The following FMNL2 variants were observed in gnomAD, a reference collection of about 807,000 sequenced individuals.
The protein encoded by FMNL2 is formin like 2.
FMNL2 carries 51 observed loss-of-function variants against 130.2 expected under a neutral mutation model. That is an observed-to-expected ratio of 0.39 (90% CI 0.31 to 0.49). The LOEUF (loss-of-function observed/expected upper bound fraction) is 0.49. FMNL2 is among the 20% of genes least tolerant of loss of function. The probability of loss-of-function intolerance (pLI) is 0.85; values close to 1 mark genes in which losing one functional copy is unlikely to be tolerated. For missense variants in FMNL2, 977 were observed against 1,316.2 expected, an observed-to-expected ratio of 0.74 and a Z score of 3.99; for synonymous variants, 465 against 467.1, an observed-to-expected ratio of 1.00 and a Z score of 0.06.
rs1158391663 is a variant in FMNL2, at chr2:152,590,980, C to CTTTTTTTT, written c.876+9968_876+9975dup. On this transcript the variant is annotated intron_variant, in intron 9 of 25. Transcript: ENST00000288670. ...CAGAGTTAGATTTTCCCTCTGATAA[C>CTTTTTTTT]TTTTTTTTTTTTTTTTTTTTTTTTT... 4.4e-4 allele frequency among the ~76,000 whole-genome samples: 29 copies of CTTTTTTTT among 65,784 alleles called. 2 individuals carry two copies. Among genetic ancestry groups the CTTTTTTTT allele is most frequent in the Non-Finnish European group, 6.2e-4 (24 of 38,584 alleles). The allele number at this position is 65,784 out of a possible 152,430, so 43.2% of individuals were successfully genotyped here.
intron 1 of FMNL2, among the ~76,000 whole-genome samples, chr2:152,441,088 G>A (rs894172959): frequency 1.3e-5 from 2 of 152,128 alleles, no homozygotes; most frequent in Non-Finnish European, 1.5e-5. Flanking sequence ...GCACTAAATG[G>A]GTTTATAGGT....
Position 152,335,227 on chromosome 2 carries a change from A to C in FMNL2, c.-377A>C, listed in dbSNP as rs1004823840. The stretch of plus-strand genomic sequence containing the variant: ...GCAGCCGTGGCCGGCTAGGGCTGGA[A>C]GTGTCAGCGGCGGCCGCGGGCCCGG... On this transcript the variant is annotated 5_prime_UTR_variant, in exon 1 of 26. Transcript: ENST00000288670. 6.4e-6 allele frequency: 1 copy of C among 156,066 alleles called. No homozygotes were observed. Among genetic ancestry groups the C allele is most frequent in the African/African-American group, 2.4e-5 (1 of 41,528 alleles). 9.7% of individuals were successfully genotyped at this position (156,066 alleles called of 1,614,324 possible).
chr2:152,488,965 G>T (rs1448466333), intron 1 of FMNL2, among the ~76,000 whole-genome samples: 1 of 152,154 alleles, frequency 6.6e-6, no homozygotes, highest in African/African-American at 2.4e-5. Context: ...TAGCTATTTG[G>T]GAGGCTGAGG....
intron 21 of FMNL2, among the ~76,000 whole-genome samples, chr2:152,634,919 A>G (rs1224744444): frequency 6.7e-6 from 1 of 150,140 alleles, no homozygotes; most frequent in Non-Finnish European, 1.5e-5. Context: ...AATGGTGACC[A>G]TGACTTCTTT....
rs79163657 is a variant in FMNL2, at chr2:152,610,777, A to G, written c.952-718A>G. The stretch of plus-strand genomic sequence containing the variant: ...TGTAAAGATTTTTATGTGGACGTAT[A>G]TTTTCATTTCTCTTAACTGTATATC... On this transcript the variant is annotated intron_variant, in intron 10 of 25. Coordinates refer to ENST00000288670, the MANE Select transcript of FMNL2 (RefSeq NM_052905.4). Among the ~76,000 whole-genome samples the G allele has an allele frequency of 1.8e-3, 277 of 152,262 alleles. 1 individual carries two copies. Among genetic ancestry groups the G allele is most frequent in the African/African-American group, 6.3e-3 (263 of 41,542 alleles).
At chr2:152,473,025 TAC>T (rs1409249921) in intron 1 of FMNL2, among the ~76,000 whole-genome samples, 13 of 152,344 alleles carry the variant, frequency 8.5e-5, no homozygotes, top group African/African-American at 2.6e-4. Flanking sequence ...ATTACAGTGA[TAC>T]ACAGTAAAGT....
intron 6 of FMNL2, among the ~76,000 whole-genome samples, chr2:152,573,578 A>G (rs1232637274): frequency 6.6e-6 from 1 of 152,240 alleles, no homozygotes; most frequent in African/African-American, 2.4e-5. Flanking sequence ...AAATGATACC[A>G]TAGCTCTTCA....
rs867406107 is a variant in FMNL2 at position 152,364,277 on chromosome 2, T to G, written c.117+28557T>G. On this transcript the variant is annotated intron_variant, in intron 1 of 25. Transcript: ENST00000288670. ...GGTTTGTGTGTTTTTTTTTTTTTTT[T>G]TTTTTTTTTTTTTTTACCAGATCCT... Among the ~76,000 whole-genome samples the G allele has an allele frequency of 5.9e-3, 663 of 112,056 alleles. 3 individuals are homozygous for G. Among genetic ancestry groups the G allele is most frequent in the Middle Eastern group, 0.016 (3 of 190 alleles). 73.5% of individuals were successfully genotyped at this position (112,056 alleles called of 152,430 possible). A position where few individuals can be genotyped will look rare whatever the true frequency, so the allele number is the denominator to read the frequency against.
At chr2:152,562,353 C>T (rs891741452) in intron 6 of FMNL2, among the ~76,000 whole-genome samples, 6 of 152,144 alleles carry the variant, frequency 3.9e-5, no homozygotes, top group Admixed American at 6.6e-5. Context: ...ACGATCACTC[C>T]GGGTATTCAG....
intron 9 of FMNL2, among the ~76,000 whole-genome samples, chr2:152,601,923 G>A (rs963298908): frequency 6.6e-6 from 1 of 152,100 alleles, no homozygotes; most frequent in Non-Finnish European, 1.5e-5. Flanking sequence ...ACCTGTCTCG[G>A]CCTCCCAAAG....
rs1244621847 is a variant in FMNL2, at chr2:152,348,818, G to GTTTTTTTTT, written c.117+13117_117+13125dup. ...CCAATTGTCTTCTGTGCTTCTAAGGGTTTTTTTTTTTTTTTTTTTTTTTTT... is the reference window on the plus strand; with the variant it reads ...CCAATTGTCTTCTGTGCTTCTAAGGGTTTTTTTTTTTTTTTTTTTTTTTTTTTTTTTTTT... On this transcript the variant is annotated intron_variant, in intron 1 of 25. Transcript: ENST00000288670. 8.4e-5 allele frequency among the ~76,000 whole-genome samples: 6 copies of GTTTTTTTTT among 71,830 alleles called. 1 individual carries two copies. The highest frequency in any genetic ancestry group is 3.4e-4 in the East Asian group (1 of 2,950). The allele number at this position is 71,830 out of a possible 152,430, so 47.1% of individuals were successfully genotyped here.
At chr2:152,645,192 A>G (rs372662439) in intron 25 of FMNL2, among the ~76,000 whole-genome samples, 3 of 152,152 alleles carry the variant, frequency 2.0e-5, no homozygotes, top group Non-Finnish European at 4.4e-5. Context: ...CTGTTGGACT[A>G]TATCTATCTT....
Position 152,619,544 on chromosome 2 carries a change from C to CCGT in FMNL2, c.1665_1666insTCG (p.Pro555_Pro556insSer), listed in dbSNP as rs745757749. 1.8e-5 allele frequency: 25 copies of CCGT among 1,395,328 alleles called. No individual in the cohort carries two copies. The highest frequency in any genetic ancestry group is 1.8e-4 in the South Asian group (14 of 79,070). 86.4% of individuals were successfully genotyped at this position (1,395,328 alleles called of 1,614,324 possible). A position where few individuals can be genotyped will look rare whatever the true frequency, so the allele number is the denominator to read the frequency against. ...TCCAGTAACACCACCTATGCCACCG[C>CCGT]CGCCGCCGCCCCCTCCTCCACCTCC... On this transcript the variant is annotated inframe_insertion, in exon 15 of 26. Transcript: ENST00000288670.
chr2:152,624,283 G>C (rs13023779), intron 15 of FMNL2, among the ~76,000 whole-genome samples: 21,526 of 151,022 alleles, frequency 0.14, 1,655 homozygotes, highest in Middle Eastern at 0.25. Context: ...TCAGCCTTCC[G>C]AGTAGCTAGG....
At chr2:152,578,794 A>C (rs566403833) in intron 7 of FMNL2, 94 bp from the exon 8 acceptor site, 5 of 892,086 alleles carry the variant, frequency 5.6e-6, no homozygotes, top group Non-Finnish European at 6.9e-6. Context: ...CATTAGGTAG[A>C]TACTTCGGGT....
chr2:152,501,132 T>C (rs952016929), intron 1 of FMNL2, among the ~76,000 whole-genome samples: 2 of 152,270 alleles, frequency 1.3e-5, no homozygotes, highest in Non-Finnish European at 2.9e-5. Context: ...AACAATTCTT[T>C]GTGCCCTTAT....
At chr2:152,485,764 C>T (rs988931387) in intron 1 of FMNL2, among the ~76,000 whole-genome samples, 1 of 152,124 alleles carries the variant, frequency 6.6e-6, no homozygotes, top group Non-Finnish European at 1.5e-5. Context: ...TCTGTGCTAG[C>T]GGCATCTCCA....
At chr2:152,392,535 AG>A (rs1453130912) in intron 1 of FMNL2, among the ~76,000 whole-genome samples, 1 of 152,154 alleles carries the variant, frequency 6.6e-6, no homozygotes, top group Admixed American at 6.5e-5. Context: ...CATTTGGTTT[AG>A]GGAGCATTTG....
At chr2:152,591,153 C>A (rs533325665) in intron 9 of FMNL2, among the ~76,000 whole-genome samples, 1 of 151,562 alleles carries the variant, frequency 6.6e-6, no homozygotes, top group African/African-American at 2.4e-5. Context: ...GGACTACAGG[C>A]GAGTGCCACC....
Sources: allele counts gnomAD v4.1 joint callset (sites outside exome capture counted in the v4.1 genomes callset), GRCh38; gene constraint gnomAD v4.1.1; transcripts MANE v1.5; gene names NCBI Gene and HGNC (gene_info 2026-07-23, HGNC 2026-07-21).